EYS: variants seen among roughly 807,000 people sequenced by gnomAD.
The protein encoded by EYS is protein eyes shut homolog.
EYS carries 250 observed loss-of-function variants against 282.1 expected under a neutral mutation model. That is an observed-to-expected ratio of 0.89 (90% CI 0.80 to 0.98). The LOEUF (loss-of-function observed/expected upper bound fraction) is 0.98, where lower values mean the gene tolerates loss of function less well. EYS is among the 50% of genes least tolerant of loss of function. The pLI is 0.00. For synonymous variants in EYS, 1,355 were observed against 1,282.9 expected, an observed-to-expected ratio of 1.06 and a Z score of -1.20; for missense variants, 4,016 against 3,709.0, an observed-to-expected ratio of 1.08 and a Z score of -2.15.
Position 64,319,765 on chromosome 6 carries a change from ATT to A in EYS, c.6079-12685_6079-12684del, listed in dbSNP as rs1006307511. ...TAGACAGACAGACAGGAAGACAGAC[ATT>A]TCCCCTTAAATTACAGAGAATATTC... On this transcript the variant is annotated intron_variant, in intron 29 of 42. Coordinates refer to ENST00000503581, the MANE Select transcript of EYS (RefSeq NM_001142800.2). Among the ~76,000 whole-genome samples, 103 of 152,002 alleles carry A rather than the reference ATT, an allele frequency of 6.8e-4. 1 individual carries two copies. Among genetic ancestry groups the A allele is most frequent in the Non-Finnish European group, 8.8e-5 (6 of 67,882 alleles).
intron 24 of EYS, among the ~76,000 whole-genome samples, chr6:64,598,268 T>G (rs1336036931): frequency 2.0e-5 from 3 of 152,012 alleles, no homozygotes; most frequent in Non-Finnish European, 2.9e-5. Context: ...AGACCATCCT[T>G]GCTAACACGG....
At chr6:64,904,767 A>C (rs1767771562) in intron 16 of EYS, among the ~76,000 whole-genome samples, 1 of 152,146 alleles carries the variant, frequency 6.6e-6, no homozygotes, top group African/African-American at 2.4e-5. Context: ...ATGAATCAGA[A>C]CACTCAGGGC....
intron 2 of EYS, among the ~76,000 whole-genome samples, chr6:65,556,134 T>C (rs766382490): frequency 2.0e-5 from 3 of 152,238 alleles, no homozygotes; most frequent in Middle Eastern, 3.4e-3. Context: ...AAAAATACTG[T>C]TTTAGGGGGT....
intron 22 of EYS, among the ~76,000 whole-genome samples, chr6:64,656,149 G>C (rs1469720283): frequency 6.6e-6 from 1 of 151,874 alleles, no homozygotes; most frequent in Non-Finnish European, 1.5e-5. Flanking sequence ...CAAGATCTTT[G>C]TAGATATTAC....
At chr6:65,702,035 T>C (rs996546679) in intron 1 of EYS, among the ~76,000 whole-genome samples, 1 of 152,194 alleles carries the variant, frequency 6.6e-6, no homozygotes, top group African/African-American at 2.4e-5. Flanking sequence ...TATGGGGTAA[T>C]GACTGACATG....
chr6:64,186,087 C>T (rs765354217), intron 31 of EYS, among the ~76,000 whole-genome samples: 14 of 152,030 alleles, frequency 9.2e-5, no homozygotes, highest in East Asian at 3.9e-4. Flanking sequence ...TGGGTTATTA[C>T]GAAGAAGAGC....
At chr6:64,835,175 G>C (rs928932526) in intron 19 of EYS, among the ~76,000 whole-genome samples, 14 of 151,660 alleles carry the variant, frequency 9.2e-5, no homozygotes, top group Admixed American at 6.6e-5. Flanking sequence ...CTGAAATTAT[G>C]TCTACAAACC....
At chr6:65,196,800 G>A (rs1765777810) in intron 12 of EYS, among the ~76,000 whole-genome samples, 1 of 152,164 alleles carries the variant, frequency 6.6e-6, no homozygotes, top group Middle Eastern at 3.4e-3. Flanking sequence ...ATTGGAGGAA[G>A]CACCCAAAGG....
At chr6:65,453,242 C>T (rs1764473604) in intron 5 of EYS, among the ~76,000 whole-genome samples, 1 of 151,946 alleles carries the variant, frequency 6.6e-6, no homozygotes, top group Non-Finnish European at 1.5e-5. Flanking sequence ...TGTCTAATTG[C>T]ACCATGTATA....
intron 31 of EYS, among the ~76,000 whole-genome samples, chr6:64,152,544 CAAT>C (rs1774779002): frequency 6.6e-6 from 1 of 152,136 alleles, no homozygotes; most frequent in African/African-American, 2.4e-5. Context: ...GCTTCACAGT[CAAT>C]TACAAGGGAT....
chr6:64,487,010 G>T (rs746643950), intron 26 of EYS, among the ~76,000 whole-genome samples: 1 of 151,190 alleles, frequency 6.6e-6, no homozygotes, highest in Non-Finnish European at 1.5e-5. Context: ...CAGAATATTG[G>T]TCCAAGCTTT....
chr6:65,023,726 G>A lies in EYS; in HGVS notation c.2138-26023C>T, dbSNP rs562606952. Among the ~76,000 whole-genome samples the A allele has an allele frequency of 4.6e-5, 7 of 152,344 alleles. No individual in the cohort carries two copies. The East Asian group carries it at 1.3e-3, about 29-fold the overall frequency. On this transcript the variant is annotated intron_variant, in intron 13 of 42. Transcript: ENST00000503581. ...AGACAGAGGAGACTCGGGTTTGCTTGCAGCATGAAATCGCAAGAGCAGTCT... is the reference window on the plus strand; with the variant it reads ...AGACAGAGGAGACTCGGGTTTGCTTACAGCATGAAATCGCAAGAGCAGTCT...
At chr6:65,536,507 T>G (rs1767968686) in intron 2 of EYS, among the ~76,000 whole-genome samples, 1 of 152,146 alleles carries the variant, frequency 6.6e-6, no homozygotes. Flanking sequence ...GGGCTGTTTC[T>G]TTAGAGTAGT....
In EYS at chr6:63,788,263, A is replaced by C; in HGVS notation, c.7579-14T>G. ...ATGATCATCTACCTTCGAAAGGGAA[A>C]AAAAACCTATTAAAAAAGGAATTAA... On this transcript the variant is annotated splice_polypyrimidine_tract_variant and intron_variant, in intron 38 of 42. Coordinates refer to ENST00000503581, the MANE Select transcript of EYS (RefSeq NM_001142800.2). 6.6e-7 allele frequency: 1 copy of C among 1,516,332 alleles called. No homozygotes were observed. The highest frequency in any genetic ancestry group is 8.8e-7 in the Non-Finnish European group (1 of 1,133,814). The allele number at this position is 1,516,332 out of a possible 1,614,324, so 93.9% of individuals were successfully genotyped here. A position where few individuals can be genotyped will look rare whatever the true frequency, so the allele number is the denominator to read the frequency against.
chr6:63,753,830 G>C (rs1428764007), intron 41 of EYS, among the ~76,000 whole-genome samples: 1 of 152,044 alleles, frequency 6.6e-6, no homozygotes, highest in Non-Finnish European at 1.5e-5. Context: ...TTTTTCAGAT[G>C]AAGGGGTTTA....
At chr6:64,592,058 T>A in intron 25 of EYS, 69 bp from the exon 26 acceptor site, 1 of 1,175,962 alleles carries the variant, frequency 8.5e-7, no homozygotes, top group Non-Finnish European at 1.2e-6. Flanking sequence ...GGCACTGGGA[T>A]AAATCTCAGG....
At chr6:64,399,124 T>G (rs544201418) in intron 28 of EYS, among the ~76,000 whole-genome samples, 1 of 151,978 alleles carries the variant, frequency 6.6e-6, no homozygotes, top group African/African-American at 2.4e-5. Flanking sequence ...ACTTTGCTAA[T>G]GAACTCATTT....
intron 15 of EYS, among the ~76,000 whole-genome samples, chr6:64,942,016 G>C (rs1769105697): frequency 6.6e-6 from 1 of 152,060 alleles, no homozygotes; most frequent in Admixed American, 6.6e-5. Context: ...TCTATGTTAA[G>C]TTTTTGAGAA....
At chr6:64,686,467 C>T (rs902643128) in intron 22 of EYS, among the ~76,000 whole-genome samples, 4 of 151,284 alleles carry the variant, frequency 2.6e-5, no homozygotes, top group African/African-American at 7.3e-5. Flanking sequence ...ATAGGGTGAG[C>T]GCGGTGGCTC....
Sources: gnomAD v4.1 joint callset for allele counts (sites outside exome capture counted in the v4.1 genomes callset) on GRCh38, gnomAD v4.1.1 for gene constraint, MANE v1.5 for transcripts, NCBI Gene and HGNC (gene_info 2026-07-23, HGNC 2026-07-21) for gene names.